Variants in SEMA6D observed in about 807,000 individuals in gnomAD.
SEMA6D encodes semaphorin 6D.
In SEMA6D, 35 loss-of-function variants were observed where a neutral mutation model predicts 106.6. The observed-to-expected ratio is 0.33, with a 90% CI of 0.25 to 0.44. SEMA6D has a LOEUF of 0.44. Ranked by LOEUF, SEMA6D falls within the 20% of genes least tolerant of loss-of-function variation. The pLI is 1.00. For synonymous variants in SEMA6D, 499 were observed against 487.7 expected (o/e 1.02, Z -0.31); for missense variants, 1,185 against 1,345.9 (o/e 0.88, Z 1.87).
At chr15:47,469,018 A>C (rs2042747537) in intron 2 of SEMA6D, among the ~76,000 whole-genome samples, 1 of 152,140 alleles carries the variant, frequency 6.6e-6, no homozygotes, top group Non-Finnish European at 1.5e-5. Context: ...TGTCACTGCC[A>C]AATTTCCTGT....
intron 1 of SEMA6D, among the ~76,000 whole-genome samples, chr15:47,372,898 A>G (rs889235304): frequency 2.0e-5 from 3 of 152,184 alleles, no homozygotes; most frequent in Non-Finnish European, 2.9e-5. Flanking sequence ...AAGAAATAGA[A>G]TCCAGATTGT....
At position 47,306,027 on chromosome 15, in the gene SEMA6D, G is replaced by T. The variant is rs138241471; in HGVS notation, c.-238-106366G>T. ...AGATGGAGTCTTGCTCCGTTGCCAGGCTAGAGTGCAGTGGCACGATTTTGG... is the reference window on the plus strand; with the variant it reads ...AGATGGAGTCTTGCTCCGTTGCCAGTCTAGAGTGCAGTGGCACGATTTTGG... On this transcript the variant is annotated intron_variant, in intron 1 of 19. Coordinates refer to the SEMA6D transcript ENST00000558014. Among the ~76,000 whole-genome samples, 986 of 151,962 alleles carry T rather than the reference G, an allele frequency of 6.5e-3. 14 individuals are homozygous for T. Among genetic ancestry groups the T allele is most frequent in the African/African-American group, 0.023 (940 of 41,434 alleles).
chr15:47,433,339 T>C (rs2041599228), intron 2 of SEMA6D, among the ~76,000 whole-genome samples: 1 of 151,724 alleles, frequency 6.6e-6, no homozygotes, highest in South Asian at 2.1e-4. Flanking sequence ...TATATATTTA[T>C]ATATTTATAT....
chr15:47,190,176 G>A (rs1418607968), intron 1 of SEMA6D, among the ~76,000 whole-genome samples: 1 of 152,174 alleles, frequency 6.6e-6, no homozygotes, highest in Non-Finnish European at 1.5e-5. Context: ...CAGAGAATTT[G>A]TCTTCAAATG....
intron 1 of SEMA6D, among the ~76,000 whole-genome samples, chr15:47,749,215 G>A (rs985491628): frequency 6.6e-6 from 1 of 151,542 alleles, no homozygotes; most frequent in East Asian, 1.9e-4. Flanking sequence ...CCGAGTAGCT[G>A]GGATTACAGG....
chr15:47,451,127 C>T (rs1307502475), intron 2 of SEMA6D, among the ~76,000 whole-genome samples: 1 of 152,050 alleles, frequency 6.6e-6, no homozygotes, highest in Non-Finnish European at 1.5e-5. Context: ...ATTCCTTTTG[C>T]AGGGTATGAG....
At chr15:47,209,363 G>T (rs961410004) in intron 1 of SEMA6D, among the ~76,000 whole-genome samples, 3 of 152,112 alleles carry the variant, frequency 2.0e-5, no homozygotes, top group Non-Finnish European at 4.4e-5. Context: ...TAACTTTCAA[G>T]AAATATTCCA....
chr15:47,501,826 G>A (rs2043857342), intron 3 of SEMA6D, among the ~76,000 whole-genome samples: 1 of 151,726 alleles, frequency 6.6e-6, no homozygotes, highest in African/African-American at 2.4e-5. Flanking sequence ...TATAAATTTT[G>A]GTACCACCTA....
At chr15:47,661,297 A>G (rs539462629) in intron 4 of SEMA6D, among the ~76,000 whole-genome samples, 1 of 152,232 alleles carries the variant, frequency 6.6e-6, no homozygotes, top group Non-Finnish European at 1.5e-5. Context: ...CTTTTTTACT[A>G]CTTGAACAAA....
chr15:47,438,085 G>A (rs139894729), intron 2 of SEMA6D, among the ~76,000 whole-genome samples: 2 of 152,198 alleles, frequency 1.3e-5, no homozygotes, highest in African/African-American at 4.8e-5. Flanking sequence ...TCCCACAAAG[G>A]TTATTCAGCT....
In SEMA6D at chr15:47,665,881, A is replaced by G. The variant is rs899459406; in HGVS notation, c.-55+64985A>G. The stretch of plus-strand genomic sequence containing the variant: ...ATAACTAGTCAGCATTAGATCACCA[A>G]TAACACTCCCATTTTTGCAGATGAA... On this transcript the variant is annotated intron_variant, in intron 4 of 19. Coordinates refer to the SEMA6D transcript ENST00000558014. 2.6e-5 allele frequency among the ~76,000 whole-genome samples: 4 copies of G among 152,244 alleles called. No homozygotes were observed. The South Asian group carries it at 6.2e-4, about 24-fold the overall frequency.
At chr15:47,541,683 C>G (rs899108154) in intron 3 of SEMA6D, among the ~76,000 whole-genome samples, 4 of 152,132 alleles carry the variant, frequency 2.6e-5, no homozygotes, top group Non-Finnish European at 1.5e-5. Context: ...TACAGATGAT[C>G]GGGGGAATAG....
chr15:47,433,834 G>A (rs372574612), intron 2 of SEMA6D, among the ~76,000 whole-genome samples: 10 of 151,956 alleles, frequency 6.6e-5, no homozygotes, highest in Admixed American at 1.3e-4. Flanking sequence ...TGTCACATTC[G>A]GTTCAATTAT....
Position 47,262,464 on chromosome 15 carries a change from T to A in SEMA6D, c.-239+78046T>A, listed in dbSNP as rs547695211. On this transcript the variant is annotated intron_variant, in intron 1 of 19. Transcript: ENST00000558014. ...CTTCACAGGGAAGCAGGAGAGAGAA[T>A]GAGGGCTGAGCAAAGGGGGAAGCCT... Among the ~76,000 whole-genome samples the A allele has an allele frequency of 9.5e-4, 145 of 152,144 alleles. 7 individuals carry two copies. The South Asian group carries it at 0.029, about 30-fold the overall frequency.
intron 1 of SEMA6D, among the ~76,000 whole-genome samples, chr15:47,203,279 G>T (rs12907706): frequency 0.38 from 57,998 of 151,820 alleles, 11,498 homozygotes; most frequent in Middle Eastern, 0.52. Context: ...ACTCTTTCTG[G>T]AATTTCTTAT....
chr15:47,699,338 C>T (rs764808156), intron 4 of SEMA6D, among the ~76,000 whole-genome samples: 102 of 152,146 alleles, frequency 6.7e-4, no homozygotes, highest in Non-Finnish European at 1.1e-3. Flanking sequence ...TTGTCTTTTA[C>T]AATCCTATGA....
At chr15:47,654,387 A>G (rs948177089) in intron 4 of SEMA6D, among the ~76,000 whole-genome samples, 3 of 152,238 alleles carry the variant, frequency 2.0e-5, no homozygotes, top group South Asian at 2.1e-4. Context: ...CATATTTTGT[A>G]TGTTATCTGT....
At chr15:47,689,001 A>G (rs2078528937) in intron 4 of SEMA6D, among the ~76,000 whole-genome samples, 1 of 152,218 alleles carries the variant, frequency 6.6e-6, no homozygotes, top group African/African-American at 2.4e-5. Context: ...ACAATTTTGA[A>G]TCATTACAAA....
At position 47,546,665 on chromosome 15, in the gene SEMA6D, C is replaced by T. The variant is rs534168805; in HGVS notation, c.-86-54200C>T. On this transcript the variant is annotated intron_variant, in intron 3 of 19. Transcript: ENST00000558014. ...CCCCCTAACCTTTTGCATTTAGGAC[C>T]CATGACCAGCACCTTGTGGCCATGA... Among the ~76,000 whole-genome samples, 19 of 151,802 alleles carry T rather than the reference C, an allele frequency of 1.3e-4. No individual in the cohort carries two copies. The East Asian group carries it at 3.7e-3, about 30-fold the overall frequency.
Sources: gnomAD v4.1 joint callset for allele counts (sites outside exome capture counted in the v4.1 genomes callset) on GRCh38, gnomAD v4.1.1 for gene constraint, MANE v1.5 for transcripts, NCBI Gene and HGNC (gene_info 2026-07-23, HGNC 2026-07-21) for gene names.